CACNA2D4: variants seen among roughly 807,000 people sequenced by gnomAD.
CACNA2D4 encodes voltage-dependent calcium channel subunit alpha-2/delta-4.
In CACNA2D4, 157 loss-of-function variants were observed where a neutral mutation model predicts 163.8. That is an observed-to-expected ratio of 0.96 (90% CI 0.84 to 1.09). The LOEUF is 1.09. Ranked by LOEUF, CACNA2D4 falls within the 50% of genes least tolerant of loss-of-function variation. The pLI, the probability that CACNA2D4 is intolerant of heterozygous loss-of-function variation, is 0.00. For synonymous variants in CACNA2D4, 598 were observed against 586.9 expected (o/e 1.02, Z -0.27); for missense variants, 1,410 against 1,479.9 (o/e 0.95, Z 0.78).
In CACNA2D4 at chr12:1,800,475, T is replaced by C. The variant is rs1437976417; in HGVS notation, c.2869-37A>G. ...AGAGTGCACACCGCTCGCACCTAGG[T>C]CCAAGGGTGAGGGTGCCCCCCCCCC... On this transcript the variant is annotated intron_variant, in intron 31 of 37. Coordinates refer to ENST00000382722, the MANE Select transcript of CACNA2D4 (RefSeq NM_172364.5). 13 of 1,604,028 alleles carry C rather than the reference T, an allele frequency of 8.1e-6. No individual in the cohort carries two copies. In the Admixed American group the frequency reaches 1.2e-4, roughly 14 times the overall value.
chr12:1,877,045 G>A (rs1865897495), intron 16 of CACNA2D4, among the ~76,000 whole-genome samples: 1 of 152,024 alleles, frequency 6.6e-6, no homozygotes, highest in South Asian at 2.1e-4. Flanking sequence ...TCATTACTTT[G>A]GCTTTGCTAT....
intron 3 of CACNA2D4, among the ~76,000 whole-genome samples, chr12:1,910,676 G>T (rs551563057): frequency 6.6e-6 from 1 of 152,194 alleles, no homozygotes; most frequent in Non-Finnish European, 1.5e-5. Flanking sequence ...GCCCTAAAAA[G>T]GAATGAAGTG....
intron 6 of CACNA2D4, among the ~76,000 whole-genome samples, chr12:1,904,868 A>T (rs540686382): frequency 1.7e-4 from 26 of 152,240 alleles, no homozygotes; most frequent in African/African-American, 6.3e-4. Context: ...TAGAAAACAA[A>T]TAGCAAAATG....
intron 6 of CACNA2D4, among the ~76,000 whole-genome samples, chr12:1,888,329 G>A (rs561074009): frequency 3.4e-4 from 52 of 152,286 alleles, no homozygotes; most frequent in Admixed American, 1.1e-3. Flanking sequence ...AAACAGAAGC[G>A]AATTTTCTTG....
At chr12:1,818,250 A>AG in intron 26 of CACNA2D4, among the ~76,000 whole-genome samples, 1 of 151,634 alleles carries the variant, frequency 6.6e-6, no homozygotes, top group East Asian at 1.9e-4. Flanking sequence ...CTGCCCGGCC[A>AG]CCACCCAGTC....
At chr12:1,864,239 C>A (rs1865591362) in intron 18 of CACNA2D4, among the ~76,000 whole-genome samples, 1 of 152,196 alleles carries the variant, frequency 6.6e-6, no homozygotes, top group African/African-American at 2.4e-5. Flanking sequence ...AGGCTTAAAT[C>A]TGAGTGCAGC....
intron 26 of CACNA2D4, chr12:1,823,300 G>A (rs1449249005): frequency 6.6e-6 from 1 of 152,390 alleles, no homozygotes; most frequent in Non-Finnish European, 1.5e-5. Flanking sequence ...GAGGTTTCTA[G>A]CTAGAGTCTG....
At position 1,853,719 on chromosome 12, in the gene CACNA2D4, T is replaced by C. The variant is rs544685362; in HGVS notation, c.2246+232A>G. On this transcript the variant is annotated intron_variant, in intron 23 of 37. Coordinates refer to ENST00000382722, the MANE Select transcript of CACNA2D4 (RefSeq NM_172364.5). ...AACTGCTCTTTGGCCAGGGGCATTTTGGCCATTGAAGTCTCATGGCTGGAG... is the reference window on the plus strand; with the variant it reads ...AACTGCTCTTTGGCCAGGGGCATTTCGGCCATTGAAGTCTCATGGCTGGAG... Among the ~76,000 whole-genome samples, 17 of 152,344 alleles carry C rather than the reference T, an allele frequency of 1.1e-4. 1 individual carries two copies. The South Asian group carries it at 2.5e-3, about 22-fold the overall frequency.
At chr12:1,793,831 A>C (rs1863040569) in intron 37 of CACNA2D4, 72 bp from the exon 38 acceptor site, 2 of 1,318,088 alleles carry the variant, frequency 1.5e-6, no homozygotes, top group Non-Finnish European at 1.1e-6. Context: ...GGCTTCCACC[A>C]CTAATTTGGG....
chr12:1,867,188 T>C (rs1449350410), intron 18 of CACNA2D4, among the ~76,000 whole-genome samples: 1 of 152,216 alleles, frequency 6.6e-6, no homozygotes, highest in Non-Finnish European at 1.5e-5. Context: ...TTTGTCTTTT[T>C]ATCCTGCTTG....
rs1865109860 is a variant in CACNA2D4, at chr12:1,844,902, C to A, written c.2343-373G>T. Among the ~76,000 whole-genome samples the A allele has an allele frequency of 6.6e-6, 1 of 152,190 alleles. No homozygotes were observed. Among genetic ancestry groups the A allele is most frequent in the African/African-American group, 2.4e-5 (1 of 41,446 alleles). On this transcript the variant is annotated intron_variant, in intron 24 of 37. Coordinates refer to ENST00000382722, the MANE Select transcript of CACNA2D4 (RefSeq NM_172364.5). This position sits in a 1 kb window ranked among gnomAD's most constrained non-coding sequence, Gnocchi z 4.2. ...CTCTATCACTGCACTAATAGGAGGG[C>A]ATCAATCCCCCCAAATGGTTCCTTC... is the stretch of plus-strand genomic sequence containing the variant.
chr12:1,840,830 A>G lies in CACNA2D4; in HGVS notation c.2471-11T>C. 1.9e-6 allele frequency: 3 copies of G among 1,544,344 alleles called. No individual in the cohort carries two copies. The highest frequency in any genetic ancestry group is 2.6e-6 in the Non-Finnish European group (3 of 1,154,680). ...GTTCACCCGCACTTTCTGGGGAAACAGAGACAACCCAGTCATGGGGAAGAG... is the reference window on the plus strand; with the variant it reads ...GTTCACCCGCACTTTCTGGGGAAACGGAGACAACCCAGTCATGGGGAAGAG... On this transcript the variant is annotated splice_polypyrimidine_tract_variant and intron_variant, in intron 25 of 37. Transcript: ENST00000382722.
chr12:1,828,340 T>G lies in CACNA2D4; in HGVS notation c.2551+12399A>C. On this transcript the variant is annotated intron_variant, in intron 26 of 37. Coordinates refer to ENST00000382722, the MANE Select transcript of CACNA2D4 (RefSeq NM_172364.5). The surrounding 1 kb of genome is among the most constrained non-coding windows in gnomAD (Gnocchi z 4.2). The stretch of plus-strand genomic sequence containing the variant: ...CAGGGAGGCCTACGCCAGATCTTCC[T>G]GGGGTACCCGAGGCTATGTTCTGGG... 2.3e-6 allele frequency: 2 copies of G among 854,100 alleles called. No homozygotes were observed. The highest frequency in any genetic ancestry group is 2.6e-4 in the Middle Eastern group (1 of 3,824). The allele number at this position is 854,100 out of a possible 1,614,324, so 52.9% of individuals were successfully genotyped here. A position where few individuals can be genotyped will look rare whatever the true frequency, so the allele number is the denominator to read the frequency against.
intron 6 of CACNA2D4, among the ~76,000 whole-genome samples, chr12:1,902,019 T>C (rs1203786044): frequency 6.6e-6 from 1 of 152,094 alleles, no homozygotes; most frequent in East Asian, 1.9e-4. Flanking sequence ...TCATTCATCA[T>C]GACTAAGAGG....
chr12:1,886,058 G>A lies in CACNA2D4; in HGVS notation c.994-19C>T, dbSNP rs1329516909. On this transcript the variant is annotated intron_variant, in intron 8 of 37. Transcript: ENST00000382722. The stretch of plus-strand genomic sequence containing the variant: ...CATTGTACTGCAGTTGCAGTGAGTT[G>A]AGGGGAGGTGGGGGGAGAATAAACA... 2 of 1,602,348 alleles carry A rather than the reference G, an allele frequency of 1.2e-6. No homozygotes were observed. The highest frequency in any genetic ancestry group is 1.3e-5 in the African/African-American group (1 of 74,674).
chr12:1,891,170 C>T (rs1006485756), intron 6 of CACNA2D4, among the ~76,000 whole-genome samples: 1 of 152,176 alleles, frequency 6.6e-6, no homozygotes, highest in Non-Finnish European at 1.5e-5. Flanking sequence ...TGTACACCTC[C>T]CTGGGACCCA....
chr12:1,864,967 C>T (rs1162492053), intron 18 of CACNA2D4, among the ~76,000 whole-genome samples: 2 of 152,058 alleles, frequency 1.3e-5, no homozygotes, highest in African/African-American at 2.4e-5. Context: ...GTGGTGCCCT[C>T]GCCGCGCCGC....
At position 1,878,529 on chromosome 12, in the gene CACNA2D4, G is replaced by A; in HGVS notation, c.1645-140C>T. ...GTGTTTTCAATAGGAACGTAACTGA[G>A]CCAGTGCCATGCTTCCATCATTGAT... On this transcript the variant is annotated intron_variant, in intron 15 of 37. Coordinates refer to ENST00000382722, the MANE Select transcript of CACNA2D4 (RefSeq NM_172364.5). The surrounding 1 kb of genome is among the most constrained non-coding windows in gnomAD (Gnocchi z 4.6). 3 of 1,463,194 alleles carry A rather than the reference G, an allele frequency of 2.1e-6. No homozygotes were observed. The highest frequency in any genetic ancestry group is 2.8e-6 in the Non-Finnish European group (3 of 1,078,570). 90.6% of individuals were successfully genotyped at this position (1,463,194 alleles called of 1,614,324 possible).
chr12:1,828,243 G>A lies in CACNA2D4; in HGVS notation c.2551+12496C>T. On this transcript the variant is annotated intron_variant, in intron 26 of 37. Transcript: ENST00000382722. This position sits in a 1 kb window ranked among gnomAD's most constrained non-coding sequence, Gnocchi z 4.2. ...GAGTACACCCCTGGCCTCGGAGGGGGGTGCGGGTTGGGTGGGGGTGCCGAG... is the reference window on the plus strand; with the variant it reads ...GAGTACACCCCTGGCCTCGGAGGGGAGTGCGGGTTGGGTGGGGGTGCCGAG... 3.3e-6 allele frequency: 5 copies of A among 1,527,574 alleles called. No homozygotes were observed. Among genetic ancestry groups the A allele is most frequent in the South Asian group, 1.2e-5 (1 of 81,218 alleles). The allele number at this position is 1,527,574 out of a possible 1,614,324, so 94.6% of individuals were successfully genotyped here.
Sources: allele counts gnomAD v4.1 joint callset (sites outside exome capture counted in the v4.1 genomes callset), GRCh38; gene constraint gnomAD v4.1.1; non-coding constraint Gnocchi (gnomAD v3.1); transcripts MANE v1.5; gene names NCBI Gene and HGNC (gene_info 2026-07-23, HGNC 2026-07-21).